Variants in LRCH4 observed in about 807,000 individuals in gnomAD.
LRCH4 encodes leucine rich repeats and calponin homology domain containing 4, also known as leucine-rich repeat and calponin homology domain-containing protein 4.
In LRCH4, 56 loss-of-function variants were observed where a neutral mutation model predicts 81.2. The ratio of observed to expected loss-of-function variants is 0.69; its 90% CI spans 0.56 to 0.86. The LOEUF (loss-of-function observed/expected upper bound fraction) is 0.86, where lower values mean the gene tolerates loss of function less well. Ranked by LOEUF, LRCH4 falls within the 40% of genes least tolerant of loss-of-function variation. The pLI is 0.00. For synonymous variants in LRCH4, 442 were observed against 409.7 expected, an observed-to-expected ratio of 1.08 and a Z score of -0.95; for missense variants, 895 against 922.8, an observed-to-expected ratio of 0.97 and a Z score of 0.39.
chr7:100,577,586 G>A lies in LRCH4; in HGVS notation c.1117-28C>T, dbSNP rs751591457. ...AAGGAGAGAACAGCAGAGCAGCTGA[G>A]GGCAGGCCTGTGCCCACGCCTGCCC... On this transcript the variant is annotated intron_variant, in intron 9 of 17. Coordinates refer to ENST00000310300, the MANE Select transcript of LRCH4 (RefSeq NM_002319.5). This position sits in a 1 kb window ranked among gnomAD's most constrained non-coding sequence, Gnocchi z 6.7. The A allele has an allele frequency of 6.2e-7, 1 of 1,611,396 alleles. No homozygotes were observed. The highest frequency in any genetic ancestry group is 1.1e-5 in the South Asian group (1 of 91,084).
chr7:100,582,371 C>T lies in LRCH4; in HGVS notation c.309G>A (p.Leu103=), dbSNP rs907321976. The part of the protein sequence containing the change: ...LEGLSLYHNC[L]RCLNPALGNL... ...TCCCCAAGGCTGGGTTCAGGCATCT[C>T]AGGCAATTGTGGTAGAGGCTCAGGC... The change falls in exon 2 of 18, where the codon CTG becomes CTA. Residue 103 remains leucine, a synonymous_variant. Coordinates refer to ENST00000310300, the MANE Select transcript of LRCH4 (RefSeq NM_002319.5). The surrounding 1 kb of genome is among the most constrained non-coding windows in gnomAD (Gnocchi z 5.0). 16 of 1,614,034 alleles carry T rather than the reference C, an allele frequency of 9.9e-6. No homozygotes were observed. Among genetic ancestry groups the T allele is most frequent in the Non-Finnish European group, 1.4e-5 (16 of 1,180,028 alleles).
In LRCH4 at chr7:100,582,152, C is replaced by A; in HGVS notation, c.381G>T (p.Ser127=). 2 of 1,613,346 alleles carry A rather than the reference C, an allele frequency of 1.2e-6. No homozygotes were observed. The highest frequency in any genetic ancestry group is 1.7e-6 in the Non-Finnish European group (2 of 1,179,922). Residue 127 remains serine (S), a synonymous_variant, in exon 3 of 18, where the codon TCG becomes TCT. Coordinates refer to ENST00000310300, the MANE Select transcript of LRCH4 (RefSeq NM_002319.5). This position sits in a 1 kb window ranked among gnomAD's most constrained non-coding sequence, Gnocchi z 5.0. The part of the protein sequence containing the change: ...TYLNLSRNQL[S]LLPPYICQLP... Reference sequence around the variant, plus strand: ...GCTGGCAGATGTAGGGTGGCAGCAGCGACAGCTGGTTTCGGCTGTGGAAGG... The same window carrying A: ...GCTGGCAGATGTAGGGTGGCAGCAGAGACAGCTGGTTTCGGCTGTGGAAGG...
Position 100,576,952 on chromosome 7 carries a change from G to A in LRCH4, c.1418C>T (p.Ala473Val), listed in dbSNP as rs1175269908. ...TTGGGAGGCAGGGGCAGGGGCGGGG[G>A]CTCCCTGCCCCGCTGCAGCCCCTGC... ...SQAGAAAGQG[A>V]PAPAPASQEP... Residue 473 changes from alanine to valine, a missense_variant, in exon 13 of 18, where the codon GCC (alanine) becomes GTC (valine). Ala to Val is a moderately conservative substitution (Grantham distance 64). Around this residue, in one of 3 missense-constraint regions of LRCH4, gnomAD observed 529 missense variants for 504.9 expected, o/e 1.05. Coordinates refer to ENST00000310300, the MANE Select transcript of LRCH4 (RefSeq NM_002319.5). 2 of 1,581,852 alleles carry A rather than the reference G, an allele frequency of 1.3e-6. No homozygotes were observed. The highest frequency in any genetic ancestry group is 3.6e-5 in the Admixed American group (2 of 55,362).
At position 100,578,317 on chromosome 7, in the gene LRCH4, C is replaced by G; in HGVS notation, c.849-59G>C. On this transcript the variant is annotated intron_variant, in intron 6 of 17. Coordinates refer to ENST00000310300, the MANE Select transcript of LRCH4 (RefSeq NM_002319.5). The surrounding 1 kb of genome is among the most constrained non-coding windows in gnomAD (Gnocchi z 5.7). ...TGCTGGACAACAGCCCCCCATCCTC[C>G]TGCCAGAAAGCAGGGGGTGCCTGGG... is the stretch of plus-strand genomic sequence containing the variant. The G allele has an allele frequency of 6.2e-7, 1 of 1,604,082 alleles. No individual in the cohort carries two copies. Among genetic ancestry groups the G allele is most frequent in the Admixed American group, 1.7e-5 (1 of 59,950 alleles).
Position 100,577,812 on chromosome 7 carries a change from T to A in LRCH4, c.1039+10A>T. 1 of 1,613,966 alleles carries A rather than the reference T, an allele frequency of 6.2e-7. No individual in the cohort carries two copies. Among genetic ancestry groups the A allele is most frequent in the Non-Finnish European group, 8.5e-7 (1 of 1,179,884 alleles). On this transcript the variant is annotated intron_variant, in intron 8 of 17. Coordinates refer to ENST00000310300, the MANE Select transcript of LRCH4 (RefSeq NM_002319.5). The surrounding 1 kb of genome is among the most constrained non-coding windows in gnomAD (Gnocchi z 6.7). ...GTCCAGCCCAGCTCCCGGCCAGCCCTGCTACTCACCTGAGCCATCCTCCTT... is the reference window on the plus strand; with the variant it reads ...GTCCAGCCCAGCTCCCGGCCAGCCCAGCTACTCACCTGAGCCATCCTCCTT...
At position 100,576,959 on chromosome 7, in the gene LRCH4, G is replaced by A; in HGVS notation, c.1411C>T (p.Gln471Ter). 1.3e-6 allele frequency: 2 copies of A among 1,588,706 alleles called. No individual in the cohort carries two copies. Among genetic ancestry groups the A allele is most frequent in the Non-Finnish European group, 1.7e-6 (2 of 1,165,432 alleles). Residue 471 changes from glutamine (Q) to a stop codon, truncating the protein, a stop_gained, in exon 13 of 18, where the codon CAG (glutamine) becomes TAG (stop). Coordinates refer to ENST00000310300, the MANE Select transcript of LRCH4 (RefSeq NM_002319.5). LOFTEE classifies it high-confidence loss of function. ...SASQAGAAAGQGAPAPAPASQ... is the reference protein window; with the variant it reads ...SASQAGAAAG ...GCAGGGGCAGGGGCGGGGGCTCCCT[G>A]CCCCGCTGCAGCCCCTGCTTGGGAG...
chr7:100,575,064 TAGAG>T lies in LRCH4; in HGVS notation c.*39_*42del, dbSNP rs766688184. ...TCGGGTGGAGCAGGGACCTTATAAA[TAGAG>T]AGGAAGGGAAAGGGGTGAGGGAGGG... On this transcript the variant is annotated 3_prime_UTR_variant, in exon 18 of 18. Transcript: ENST00000310300. The surrounding 1 kb of genome is among the most constrained non-coding windows in gnomAD (Gnocchi z 5.3). 3.2e-6 allele frequency: 5 copies of T among 1,552,462 alleles called. No individual in the cohort carries two copies. Among genetic ancestry groups the T allele is most frequent in the Admixed American group, 1.9e-5 (1 of 52,986 alleles).
chr7:100,584,338 G>C (rs1010967696), intron 1 of LRCH4: 3 of 411,194 alleles, frequency 7.3e-6, no homozygotes, highest in Middle Eastern at 3.5e-4. Flanking sequence ...GGGCAGAGGA[G>C]GGTTCTTGGG....
At chr7:100,584,976 G>GA in intron 1 of LRCH4, 1 of 357,430 alleles carries the variant, frequency 2.8e-6, no homozygotes, top group Non-Finnish European at 5.5e-6. Flanking sequence ...GCTGAGGCTT[G>GA]ACTCACCTGT....
At position 100,574,774 on chromosome 7, in the gene LRCH4, T is replaced by G. The variant is rs1584401621; in HGVS notation, c.*333A>C. 12 of 268,730 alleles carry G rather than the reference T, an allele frequency of 4.5e-5. No individual in the cohort carries two copies. The highest frequency in any genetic ancestry group is 5.7e-5 in the Non-Finnish European group (8 of 140,238). 16.6% of individuals were successfully genotyped at this position (268,730 alleles called of 1,614,324 possible). On this transcript the variant is annotated 3_prime_UTR_variant, in exon 18 of 18. Transcript: ENST00000310300. ...AATTTAGCCCCCCCATAGCAGCTGT[T>G]GGGGGGGGAAGGGGAGGGCACAGGA...
In LRCH4 at chr7:100,582,138, T is replaced by G; in HGVS notation, c.395A>C (p.Tyr132Ser). ...SRNQLSLLPP[Y>S]ICQLPLRVLI... ...GACCCTCAGGGGCAGCTGGCAGATG[T>G]AGGGTGGCAGCAGCGACAGCTGGTT... Residue 132 changes from tyrosine to serine, a missense_variant, in exon 3 of 18, where the codon TAC becomes TCC. Tyr to Ser is a moderately radical substitution (Grantham distance 144, BLOSUM62 -2). This residue lies in a region of LRCH4 where 360 missense variants were observed against 397.0 expected (regional missense o/e 0.91). Transcript: ENST00000310300. The surrounding 1 kb of genome is among the most constrained non-coding windows in gnomAD (Gnocchi z 5.0). The G allele has an allele frequency of 1.9e-6, 3 of 1,612,988 alleles. No individual in the cohort carries two copies. Among genetic ancestry groups the G allele is most frequent in the African/African-American group, 1.3e-5 (1 of 74,912 alleles).
At chr7:100,585,583 C>A (rs1158526042) in intron 1 of LRCH4, among the ~76,000 whole-genome samples, 1 of 151,956 alleles carries the variant, frequency 6.6e-6, no homozygotes, top group Admixed American at 6.6e-5. Flanking sequence ...TGTAAATAAG[C>A]CAACCAGGTG....
At position 100,576,336 on chromosome 7, in the gene LRCH4, G is replaced by C. The variant is rs1415866059; in HGVS notation, c.1553-13C>G. On this transcript the variant is annotated splice_polypyrimidine_tract_variant and intron_variant, in intron 14 of 17. Transcript: ENST00000310300. ...GGTGAGGAAGGGCCTAGGAGAAAAA[G>C]GGGGGCATGGGGCTGCCTCCACTGC... The C allele has an allele frequency of 6.3e-7, 1 of 1,599,464 alleles. No homozygotes were observed. Among genetic ancestry groups the C allele is most frequent in the Non-Finnish European group, 8.6e-7 (1 of 1,167,186 alleles).
At position 100,584,370 on chromosome 7, in the gene LRCH4, C is replaced by G. The variant is rs528890239; in HGVS notation, c.220+1511G>C. On this transcript the variant is annotated intron_variant, in intron 1 of 17. Coordinates refer to ENST00000310300, the MANE Select transcript of LRCH4 (RefSeq NM_002319.5). ...TGGGAAGCTGGGATTTCCGACCCCC[C>G]CCCAAGCTCACAGGAGCACGGCTGC... Among the ~76,000 whole-genome samples the G allele has an allele frequency of 1.8e-4, 27 of 151,928 alleles. No homozygotes were observed. The East Asian group carries it at 2.1e-3, about 12-fold the overall frequency.
intron 1 of LRCH4, chr7:100,584,278 G>A (rs1388121871): frequency 2.2e-6 from 1 of 455,746 alleles, no homozygotes. Context: ...GAGAATTCTG[G>A]ACAAGAGGGA....
In LRCH4 at chr7:100,585,910, C is replaced by G; in HGVS notation, c.191G>C (p.Ser64Thr). 6.2e-7 allele frequency: 1 copy of G among 1,611,242 alleles called. No individual in the cohort carries two copies. ...LKHFPRGAAR[S>T]YDLSDITQAD... ...CTGGGTGATGTCTGACAGGTCGTAG[C>G]TACGGGCCGCGCCCCGGGGGAAGTG... The change falls in exon 1 of 18, where the codon AGC (serine) becomes ACC (threonine). Residue 64 changes from serine (S) to threonine (T), a missense_variant. By Grantham distance (58) the Ser-to-Thr change is moderately conservative (BLOSUM62 1). Coordinates refer to ENST00000310300, the MANE Select transcript of LRCH4 (RefSeq NM_002319.5).
chr7:100,579,393 T>C (rs1239064188), intron 4 of LRCH4: 1 of 152,474 alleles, frequency 6.6e-6, no homozygotes, highest in Non-Finnish European at 1.5e-5. Flanking sequence ...GTCAAGAGAT[T>C]GAGACCACCC....
chr7:100,578,779 C>T lies in LRCH4; in HGVS notation c.606G>A (p.Gly202=). 1.2e-6 allele frequency: 2 copies of T among 1,613,320 alleles called. No individual in the cohort carries two copies. The highest frequency in any genetic ancestry group is 1.7e-6 in the Non-Finnish European group (2 of 1,179,920). The change falls in exon 5 of 18, where the codon GGG becomes GGA. Residue 202 remains glycine, a synonymous_variant. Transcript: ENST00000310300. This position sits in a 1 kb window ranked among gnomAD's most constrained non-coding sequence, Gnocchi z 5.7. ...NQLSTLPEEL[G]DLPLVRLDFS... ...AATCCAGGCGGACCAGAGGGAGGTC[C>T]CCCAGCTCTGGAACAGGTGGGCAAG...
In LRCH4 at chr7:100,577,000, G is replaced by C. The variant is rs571081699; in HGVS notation, c.1370C>G (p.Ser457Trp). Residue 457 changes from serine to tryptophan, a missense_variant, in exon 13 of 18, where the codon TCG becomes TGG. By Grantham distance (177) the Ser-to-Trp change is radical. Coordinates refer to ENST00000310300, the MANE Select transcript of LRCH4 (RefSeq NM_002319.5). ...TGCTTGGGAGGCACTGGACTTAGGC[G>C]AGCCGCTGAGGAGAGACAGAAGGGA... ...AVSTQAMHNG[S>W]PKSSASQAGA... 10 of 1,611,756 alleles carry C rather than the reference G, an allele frequency of 6.2e-6. No homozygotes were observed. Among genetic ancestry groups the C allele is most frequent in the Non-Finnish European group, 8.5e-6 (10 of 1,178,306 alleles).
Sources: gnomAD v4.1 joint callset for allele counts (sites outside exome capture counted in the v4.1 genomes callset) on GRCh38, gnomAD v4.1.1 for gene constraint, gnomAD v4.1.1 regional missense constraint, Gnocchi (gnomAD v3.1) non-coding constraint, MANE v1.5 for transcripts, NCBI Gene and HGNC (gene_info 2026-07-23, HGNC 2026-07-21) for gene names.